Variants in FAM81A observed in about 807,000 individuals in gnomAD.
The protein encoded by FAM81A is family with sequence similarity 81 member A.
A neutral mutation model predicts 46.7 loss-of-function variants in FAM81A; 19 were observed. The ratio of observed to expected loss-of-function variants is 0.41; its 90% confidence interval spans 0.28 to 0.60. The LOEUF (loss-of-function observed/expected upper bound fraction) is 0.60, where lower values mean the gene tolerates loss of function less well. Ranked by LOEUF, FAM81A falls within the 20% of genes least tolerant of loss-of-function variation. FAM81A has a pLI of 0.34. For synonymous variants in FAM81A, 183 were observed against 152.9 expected (o/e 1.20, Z -1.45); for missense variants, 377 against 453.5 (o/e 0.83, Z 1.53).
At chr15:59,463,483 A>G (rs1257063975) in intron 3 of FAM81A, among the ~76,000 whole-genome samples, 1 of 152,056 alleles carries the variant, frequency 6.6e-6, no homozygotes, top group African/African-American at 2.4e-5. Context: ...TTTTCGTTTA[A>G]ATTTTAGGAT....
chr15:59,401,798 T>C, intron 1 of FAM81A: 1 of 741,674 alleles, frequency 1.3e-6, no homozygotes, highest in East Asian at 2.4e-5. Flanking sequence ...TGTTTCTCTT[T>C]TCATGCATCT....
intron 3 of FAM81A, among the ~76,000 whole-genome samples, chr15:59,473,322 TG>T (rs1404266815): frequency 1.1e-4 from 16 of 152,342 alleles, no homozygotes; most frequent in African/African-American, 3.8e-4. Flanking sequence ...CCACCCGGCC[TG>T]GGTGGGACGT....
intron 1 of FAM81A, among the ~76,000 whole-genome samples, chr15:59,442,370 T>G (rs1459211422): frequency 6.6e-6 from 1 of 152,054 alleles, no homozygotes; most frequent in African/African-American, 2.4e-5. Context: ...CCCAGCACTT[T>G]GGGAGGCCAA....
chr15:59,426,899 AC>A (rs1330518673), intron 2 of FAM81A, among the ~76,000 whole-genome samples: 4 of 152,178 alleles, frequency 2.6e-5, no homozygotes, highest in Non-Finnish European at 5.9e-5. Flanking sequence ...ATGATTGAAC[AC>A]ATTTCTTTTA....
At chr15:59,471,687 C>G (rs1323239504) in intron 3 of FAM81A, among the ~76,000 whole-genome samples, 1 of 151,760 alleles carries the variant, frequency 6.6e-6, no homozygotes, top group Admixed American at 6.6e-5. Context: ...CAGCCTCTGC[C>G]TCTGCCTCCC....
At chr15:59,451,266 C>T (rs2081415211) in intron 1 of FAM81A, among the ~76,000 whole-genome samples, 1 of 152,116 alleles carries the variant, frequency 6.6e-6, no homozygotes, top group South Asian at 2.1e-4. Context: ...TTCCTGTGTA[C>T]TCTCCTTTTA....
intron 4 of FAM81A, among the ~76,000 whole-genome samples, chr15:59,498,453 A>G (rs371776716): frequency 4.7e-4 from 71 of 152,312 alleles, no homozygotes; most frequent in African/African-American, 1.7e-3. Flanking sequence ...CTACATACAG[A>G]TCATGCCATC....
At chr15:59,483,542 T>G (rs1021027611) in intron 3 of FAM81A, among the ~76,000 whole-genome samples, 1 of 152,208 alleles carries the variant, frequency 6.6e-6, no homozygotes, top group African/African-American at 2.4e-5. Context: ...ACAAATTATG[T>G]AAGCATAATT....
chr15:59,438,869 A>G, intron 1 of FAM81A, among the ~76,000 whole-genome samples: 1 of 152,190 alleles, frequency 6.6e-6, no homozygotes, highest in Non-Finnish European at 1.5e-5. Context: ...CTGGAAGATT[A>G]TGGAGCAAGC....
intron 1 of FAM81A, among the ~76,000 whole-genome samples, chr15:59,449,706 C>T (rs538077869): frequency 6.4e-5 from 9 of 141,058 alleles, no homozygotes; most frequent in East Asian, 4.3e-4. Context: ...GGCGTGAACC[C>T]GGGAAGCGGA....
intron 4 of FAM81A, among the ~76,000 whole-genome samples, chr15:59,502,532 G>C (rs1434663520): frequency 7.7e-6 from 1 of 129,384 alleles, no homozygotes; most frequent in Non-Finnish European, 1.7e-5. Context: ...TGTGTGTTTT[G>C]AGACAGAGTT....
intron 3 of FAM81A, among the ~76,000 whole-genome samples, chr15:59,469,529 C>G (rs182397498): frequency 0.014 from 2,098 of 146,842 alleles, 38 homozygotes; most frequent in African/African-American, 0.054. Flanking sequence ...ACTAGGAATG[C>G]AACCCCTGCT....
rs1268369699 is a variant in FAM81A at position 59,481,163 on chromosome 15, TA to T, written c.295-11098del. 2.4e-4 allele frequency among the ~76,000 whole-genome samples: 35 copies of T among 148,816 alleles called. No homozygotes were observed. In the South Asian group the frequency reaches 3.4e-3, roughly 15 times the overall value. ...GTGTGCACCACAACTCTTGGCTAATTAAAAAAAAAATGTGTGTAGAGACAGG... is the reference window on the plus strand; with the variant it reads ...GTGTGCACCACAACTCTTGGCTAATTAAAAAAAAATGTGTGTAGAGACAGG... On this transcript the variant is annotated intron_variant, in intron 3 of 8. Transcript: ENST00000288228.
intron 1 of FAM81A, among the ~76,000 whole-genome samples, chr15:59,442,111 C>T (rs1567044758): frequency 6.6e-6 from 1 of 152,148 alleles, no homozygotes; most frequent in African/African-American, 2.4e-5. Context: ...ACCAGTCTGA[C>T]CTTAGAGCCC....
At chr15:59,459,168 A>G (rs1249322440) in intron 2 of FAM81A, among the ~76,000 whole-genome samples, 1 of 151,934 alleles carries the variant, frequency 6.6e-6, no homozygotes, top group East Asian at 1.9e-4. Context: ...CTAATTTTTA[A>G]ATAATTTTTT....
intron 3 of FAM81A, among the ~76,000 whole-genome samples, chr15:59,466,918 T>A (rs2081620999): frequency 6.6e-6 from 1 of 152,250 alleles, no homozygotes; most frequent in Non-Finnish European, 1.5e-5. Flanking sequence ...TTCAGCTTTC[T>A]GCATATGGCT....
chr15:59,418,794 G>GC (rs138658601), intron 2 of FAM81A, among the ~76,000 whole-genome samples: 28,346 of 152,114 alleles, frequency 0.19, 3,319 homozygotes, highest in South Asian at 0.38. Context: ...AATTATCTGA[G>GC]CCCCAGTTTC....
chr15:59,486,874 A>G (rs1274701862), intron 3 of FAM81A, among the ~76,000 whole-genome samples: 2 of 152,212 alleles, frequency 1.3e-5, no homozygotes, highest in Non-Finnish European at 2.9e-5. Context: ...CTGTCCTACA[A>G]GAAATGCTAA....
intron 2 of FAM81A, among the ~76,000 whole-genome samples, chr15:59,405,535 G>A (rs1369120225): frequency 6.6e-6 from 1 of 152,108 alleles, no homozygotes; most frequent in Non-Finnish European, 1.5e-5. Context: ...CAGCTACTTG[G>A]GAGGCTGATG....
Sources: allele counts gnomAD v4.1 joint callset (sites outside exome capture counted in the v4.1 genomes callset), GRCh38; gene constraint gnomAD v4.1.1; transcripts MANE v1.5; gene names NCBI Gene and HGNC (gene_info 2026-07-23, HGNC 2026-07-21).